ANKRD11: variants seen among roughly 807,000 people sequenced by gnomAD.
ANKRD11 encodes the protein ankyrin repeat domain 11.
In ANKRD11, 17 loss-of-function variants were observed where a neutral mutation model predicts 195.7. That is an observed-to-expected ratio of 0.09 (90% CI 0.06 to 0.13). The LOEUF (loss-of-function observed/expected upper bound fraction) is 0.13. ANKRD11 is among the 10% of genes least tolerant of loss of function. The pLI, the probability that ANKRD11 is intolerant of heterozygous loss-of-function variation, is 1.00. For missense variants in ANKRD11, 3,735 were observed against 3,566.1 expected (o/e 1.05, Z -1.21); for synonymous variants, 1,953 against 1,528.1 (o/e 1.28, Z -6.49).
chr16:89,349,510 T>C (rs2039108419), intron 2 of ANKRD11, among the ~76,000 whole-genome samples: 1 of 152,080 alleles, frequency 6.6e-6, no homozygotes, highest in African/African-American at 2.4e-5. Context: ...CACATAAATA[T>C]ATAGTCAACT....
At chr16:89,303,236 C>G (rs75947468) in intron 4 of ANKRD11, among the ~76,000 whole-genome samples, 5,220 of 152,334 alleles carry the variant, frequency 0.034, 311 homozygotes, top group East Asian at 0.27. Context: ...GAGGCCAACT[C>G]CCGCATGGCC....
In ANKRD11 at chr16:89,268,433, G is replaced by A; in HGVS notation, c.*45C>T. 1.2e-6 allele frequency: 1 copy of A among 867,846 alleles called. No individual in the cohort carries two copies. The highest frequency in any genetic ancestry group is 1.8e-6 in the Non-Finnish European group (1 of 570,886). The allele number at this position is 867,846 out of a possible 1,614,324, so 53.8% of individuals were successfully genotyped here. On this transcript the variant is annotated 3_prime_UTR_variant, in exon 13 of 13. Transcript: ENST00000301030. ...CCCTGGGGCTCAGCAGCAGTCCTGG[G>A]CAGCCGTGCGGCCCTCGCCTGCGTC...
intron 1 of ANKRD11, among the ~76,000 whole-genome samples, chr16:89,424,187 C>T (rs1022687698): frequency 6.6e-6 from 1 of 152,144 alleles, no homozygotes; most frequent in Non-Finnish European, 1.5e-5. Flanking sequence ...CAGTGGCTCA[C>T]ACCTATAATC....
chr16:89,378,911 G>A lies in ANKRD11; in HGVS notation c.-60+39373C>T, dbSNP rs1292190574. Among the ~76,000 whole-genome samples, 3 of 148,840 alleles carry A rather than the reference G, an allele frequency of 2.0e-5. No homozygotes were observed. In the East Asian group the frequency reaches 6.2e-4, roughly 31 times the overall value. The stretch of plus-strand genomic sequence containing the variant: ...TCCAAGGCTGAAAACCTCTTCAGGG[G>A]TTGGTGGGTGGGGCGAGGTGGGAAG... On this transcript the variant is annotated intron_variant, in intron 2 of 12. Transcript: ENST00000301030.
intron 6 of ANKRD11, chr16:89,288,875 C>A: frequency 1.5e-6 from 1 of 649,834 alleles, no homozygotes; most frequent in Non-Finnish European, 2.7e-6. Context: ...TTAGCACGAT[C>A]CATATCTAGC....
intron 1 of ANKRD11, among the ~76,000 whole-genome samples, chr16:89,434,019 G>A (rs1243439027): frequency 6.6e-6 from 1 of 152,306 alleles, no homozygotes; most frequent in African/African-American, 2.4e-5. Context: ...GTTACTCTGA[G>A]AAGATGCCCC....
chr16:89,425,864 G>A (rs2042696345), intron 1 of ANKRD11, among the ~76,000 whole-genome samples: 1 of 152,098 alleles, frequency 6.6e-6, no homozygotes, highest in African/African-American at 2.4e-5. Context: ...CAGTGCAAAT[G>A]TTTCTTTTTA....
intron 2 of ANKRD11, among the ~76,000 whole-genome samples, chr16:89,321,655 C>T (rs529476800): frequency 6.5e-4 from 99 of 151,748 alleles, no homozygotes; most frequent in African/African-American, 2.4e-3. Flanking sequence ...TGAGAAGGAC[C>T]GTATAAGAAA....
intron 2 of ANKRD11, among the ~76,000 whole-genome samples, chr16:89,345,591 T>G (rs2038902797): frequency 6.6e-6 from 1 of 152,236 alleles, no homozygotes; most frequent in Non-Finnish European, 1.5e-5. Context: ...TCTCAGGCAT[T>G]TTGTTACAGC....
At chr16:89,483,067 C>A (rs1397181404) in intron 1 of ANKRD11, among the ~76,000 whole-genome samples, 1 of 152,216 alleles carries the variant, frequency 6.6e-6, no homozygotes, top group Non-Finnish European at 1.5e-5. Context: ...ACGGGCAGCA[C>A]TGACACAAGT....
chr16:89,387,097 G>A (rs2040946018), intron 2 of ANKRD11, among the ~76,000 whole-genome samples: 1 of 152,116 alleles, frequency 6.6e-6, no homozygotes, highest in Admixed American at 6.5e-5. Flanking sequence ...ACATGGAGGA[G>A]GTGTCTGCCC....
chr16:89,291,229 G>T lies in ANKRD11; in HGVS notation c.227-46C>A. 6.2e-7 allele frequency: 1 copy of T among 1,606,726 alleles called. No homozygotes were observed. Among genetic ancestry groups the T allele is most frequent in the South Asian group, 1.1e-5 (1 of 90,998 alleles). On this transcript the variant is annotated intron_variant, in intron 4 of 12. Coordinates refer to ENST00000301030, the MANE Select transcript of ANKRD11 (RefSeq NM_013275.6). The surrounding 1 kb of genome is among the most constrained non-coding windows in gnomAD (Gnocchi z 5.3). The stretch of plus-strand genomic sequence containing the variant: ...AGAGGGAGGAGAGATTTCATGCCAT[G>T]GTGTCCTCCAAAGCTAGGTCCTTAC...
At chr16:89,417,267 T>C (rs1273415425) in intron 2 of ANKRD11, among the ~76,000 whole-genome samples, 1 of 152,178 alleles carries the variant, frequency 6.6e-6, no homozygotes, top group African/African-American at 2.4e-5. Flanking sequence ...TCTTTCACGT[T>C]TGCTGGGAGT....
chr16:89,283,497 G>C lies in ANKRD11; in HGVS notation c.3045C>G (p.Pro1015=), dbSNP rs150652124. ...PAREKEKKDG[P]DKERKEKTKP... ...TTGTCTTCTCCTTCCTTTCCTTATC[G>C]GGGCCATCCTTCTTCTCCTTCTCTC... Residue 1015 remains proline (P), a synonymous_variant, in exon 9 of 13, where the codon CCC becomes CCG. Coordinates refer to ENST00000301030, the MANE Select transcript of ANKRD11 (RefSeq NM_013275.6). The surrounding 1 kb of genome is among the most constrained non-coding windows in gnomAD (Gnocchi z 4.3). 2.6e-4 allele frequency: 413 copies of C among 1,613,612 alleles called. 1 individual carries two copies. In the African/African-American group the frequency reaches 4.9e-3, roughly 19 times the overall value.
At chr16:89,288,139 G>GTTA in intron 7 of ANKRD11, 1 of 602,162 alleles carries the variant, frequency 1.7e-6, no homozygotes. Context: ...ACCTCTTGGT[G>GTTA]TTACCTCATT....
intron 1 of ANKRD11, among the ~76,000 whole-genome samples, chr16:89,458,247 C>T (rs1398201929): frequency 2.7e-5 from 4 of 150,078 alleles, no homozygotes; most frequent in Admixed American, 1.3e-4. Context: ...TTTTTTGAGA[C>T]GGAATCTCAC....
chr16:89,396,650 C>T (rs1172425116), intron 2 of ANKRD11, among the ~76,000 whole-genome samples: 5 of 152,178 alleles, frequency 3.3e-5, no homozygotes, highest in East Asian at 1.9e-4. Flanking sequence ...GGGGTTTGTA[C>T]AATTTTAAGG....
chr16:89,279,770 C>T lies in ANKRD11; in HGVS notation c.6772G>A (p.Ala2258Thr), dbSNP rs907454686. ...GCGGCGGGGGGGCCTTCAGCCTCAG[C>T]CCCCTGGTCTCCGCTCCCCAGTGGG... The part of the protein sequence containing the change: ...QRPLGSGDQG[A>T]EAEGPPAASL... Residue 2258 changes from alanine (A) to threonine (T), a missense_variant, in exon 9 of 13, where the codon GCT becomes ACT. Physicochemically the swap from Ala to Thr is moderately conservative, Grantham distance 58. Transcript: ENST00000301030. The surrounding 1 kb of genome is among the most constrained non-coding windows in gnomAD (Gnocchi z 5.6). The T allele has an allele frequency of 7.2e-6, 11 of 1,527,436 alleles. No individual in the cohort carries two copies. Among genetic ancestry groups the T allele is most frequent in the East Asian group, 2.5e-5 (1 of 40,784 alleles). 94.6% of individuals were successfully genotyped at this position (1,527,436 alleles called of 1,614,324 possible).
intron 1 of ANKRD11, among the ~76,000 whole-genome samples, chr16:89,432,385 C>T (rs1377179785): frequency 5.3e-5 from 8 of 152,068 alleles, no homozygotes; most frequent in African/African-American, 1.9e-4. Context: ...CAGGACCCAT[C>T]GCCGTGGCAG....
Sources: allele counts gnomAD v4.1 joint callset (sites outside exome capture counted in the v4.1 genomes callset), GRCh38; gene constraint gnomAD v4.1.1; non-coding constraint Gnocchi (gnomAD v3.1); transcripts MANE v1.5; gene names NCBI Gene and HGNC (gene_info 2026-07-23, HGNC 2026-07-21).